The following SLC39A10 variants were observed in gnomAD, a reference collection of about 807,000 sequenced individuals.
SLC39A10 encodes the protein solute carrier family 39 member 10, also known as zinc transporter ZIP10.
Under a neutral mutation model 65.1 loss-of-function variants are expected in SLC39A10, and 13 were observed. That is an observed-to-expected ratio of 0.20 (90% CI 0.13 to 0.32). The LOEUF (loss-of-function observed/expected upper bound fraction) is 0.32, where lower values mean the gene tolerates loss of function less well. Among genes scored for constraint, SLC39A10 ranks in the 10% least tolerant of loss-of-function variants. The pLI, the probability that SLC39A10 is intolerant of heterozygous loss-of-function variation, is 1.00. For missense variants in SLC39A10, 831 were observed against 1,018.4 expected (o/e 0.82, Z 2.50); for synonymous variants, 321 against 342.2 (o/e 0.94, Z 0.68).
In SLC39A10 at chr2:195,735,028, A is replaced by C. The variant is rs1692545944; in HGVS notation, c.2483A>C (p.Asp828Ala). The C allele has an allele frequency of 5.6e-6, 9 of 1,609,476 alleles. No homozygotes were observed. The South Asian group carries it at 1.0e-4, about 18-fold the overall frequency. The part of the protein sequence containing the change: ...IALYEDKIVF[D>A]IQF ...CTCTATGAAGATAAAATTGTGTTTG[A>C]CATCCAGTTTTGACCTTTCCCAGTA... The change falls in exon 10 of 10, where the codon GAC becomes GCC. Residue 828 changes from aspartate (D) to alanine (A), a missense_variant. Coordinates refer to ENST00000359634, the MANE Select transcript of SLC39A10 (RefSeq NM_020342.3).
At chr2:195,676,413 A>C in intron 1 of SLC39A10, among the ~76,000 whole-genome samples, 1 of 151,258 alleles carries the variant, frequency 6.6e-6, no homozygotes. Flanking sequence ...TAAAGAATTT[A>C]GTTAATCAAA....
chr2:195,614,457 A>C (rs13384405), intron 2 of SLC39A10, among the ~76,000 whole-genome samples: 2,740 of 152,198 alleles, frequency 0.018, 86 homozygotes, highest in African/African-American at 0.062. Context: ...TTTCCTGTAC[A>C]TTTTGCTTAA....
intron 2 of SLC39A10, among the ~76,000 whole-genome samples, chr2:195,638,076 T>A (rs1348307293): frequency 2.0e-5 from 3 of 152,206 alleles, no homozygotes; most frequent in African/African-American, 7.2e-5. Flanking sequence ...CTCAGTACAG[T>A]ACAGGATGAA....
intron 9 of SLC39A10, among the ~76,000 whole-genome samples, chr2:195,733,791 A>G (rs1174962887): frequency 6.6e-6 from 1 of 152,134 alleles, no homozygotes; most frequent in Non-Finnish European, 1.5e-5. Context: ...CGGCCTCTCA[A>G]AACTGCTGGG....
chr2:195,730,736 C>T (rs1016505264), intron 9 of SLC39A10, among the ~76,000 whole-genome samples: 7 of 152,198 alleles, frequency 4.6e-5, no homozygotes, highest in African/African-American at 1.7e-4. Context: ...ACTTGAATGT[C>T]TAAAAGGCAT....
chr2:195,626,857 C>G (rs945801299), intron 2 of SLC39A10, among the ~76,000 whole-genome samples: 1 of 152,088 alleles, frequency 6.6e-6, no homozygotes, highest in Non-Finnish European at 1.5e-5. Flanking sequence ...TATAGAGTTC[C>G]TCATCTGTAT....
intron 8 of SLC39A10, among the ~76,000 whole-genome samples, chr2:195,727,273 G>C (rs1362411255): frequency 6.6e-6 from 1 of 152,138 alleles, no homozygotes; most frequent in Non-Finnish European, 1.5e-5. Context: ...GTGAGTTTTT[G>C]TCTTACATCA....
chr2:195,618,031 G>A (rs1039285187), intron 2 of SLC39A10, among the ~76,000 whole-genome samples: 2 of 144,850 alleles, frequency 1.4e-5, no homozygotes, highest in East Asian at 2.3e-4. Flanking sequence ...GAGCCACCTC[G>A]CCCGGCCTTG....
intron 2 of SLC39A10, among the ~76,000 whole-genome samples, chr2:195,648,235 C>T (rs575574218): frequency 7.6e-4 from 115 of 152,062 alleles, no homozygotes; most frequent in African/African-American, 2.4e-3. Context: ...TGGGCTCAAG[C>T]GATCCTCCCA....
At chr2:195,620,388 T>C (rs1380945931) in intron 2 of SLC39A10, among the ~76,000 whole-genome samples, 1 of 152,176 alleles carries the variant, frequency 6.6e-6, no homozygotes, top group Non-Finnish European at 1.5e-5. Flanking sequence ...AATGAAGGCA[T>C]TGTAGAAATA....
Position 195,735,111 on chromosome 2 carries a change from A to G in SLC39A10, c.*70A>G. On this transcript the variant is annotated 3_prime_UTR_variant, in exon 10 of 10. Transcript: ENST00000359634. ...GCTTTGCATCTGTTCCTTGTACTGT[A>G]TGCACATTGCTCAAAGGAAAGTCAG... The G allele has an allele frequency of 1.4e-6, 2 of 1,466,418 alleles. No individual in the cohort carries two copies. The highest frequency in any genetic ancestry group is 1.8e-6 in the Non-Finnish European group (2 of 1,098,768). 90.8% of individuals were successfully genotyped at this position (1,466,418 alleles called of 1,614,324 possible).
intron 2 of SLC39A10, among the ~76,000 whole-genome samples, chr2:195,627,917 C>G (rs1467464620): frequency 6.6e-6 from 1 of 152,160 alleles, no homozygotes; most frequent in African/African-American, 2.4e-5. Context: ...AGAGATCTCT[C>G]TTTAAAGAGA....
At chr2:195,663,735 A>G (rs1689512368) in intron 1 of SLC39A10, among the ~76,000 whole-genome samples, 1 of 151,584 alleles carries the variant, frequency 6.6e-6, no homozygotes, top group African/African-American at 2.4e-5. Flanking sequence ...AGTAAATTGT[A>G]TATTAAAACA....
At chr2:195,731,915 AC>A (rs920465296) in intron 9 of SLC39A10, among the ~76,000 whole-genome samples, 5 of 152,214 alleles carry the variant, frequency 3.3e-5, no homozygotes, top group African/African-American at 4.8e-5. Flanking sequence ...TCCTGATAAA[AC>A]AAGCAAACAA....
intron 2 of SLC39A10, among the ~76,000 whole-genome samples, chr2:195,681,308 T>A (rs1326963688): frequency 6.6e-6 from 1 of 152,184 alleles, no homozygotes; most frequent in East Asian, 1.9e-4. Context: ...GGGTAGATCA[T>A]GAGGTCGGGA....
At chr2:195,629,984 CTT>C (rs776471497) in intron 2 of SLC39A10, among the ~76,000 whole-genome samples, 6 of 152,014 alleles carry the variant, frequency 3.9e-5, no homozygotes, top group Non-Finnish European at 7.4e-5. Flanking sequence ...GATCTGCCCA[CTT>C]TGGCCTCCCA....
intron 3 of SLC39A10, among the ~76,000 whole-genome samples, chr2:195,685,164 A>G (rs1690477686): frequency 6.6e-6 from 1 of 152,140 alleles, no homozygotes; most frequent in African/African-American, 2.4e-5. Flanking sequence ...TTTAAAAACA[A>G]GATAAGGAAA....
chr2:195,673,400 C>T (rs1574252525), intron 1 of SLC39A10, among the ~76,000 whole-genome samples: 2 of 152,102 alleles, frequency 1.3e-5, no homozygotes, highest in South Asian at 4.1e-4. Flanking sequence ...GCTCAAGATC[C>T]GCCAACCTCT....
chr2:195,682,042 G>A (rs1490729519), intron 2 of SLC39A10, among the ~76,000 whole-genome samples: 1 of 152,072 alleles, frequency 6.6e-6, no homozygotes, highest in Non-Finnish European at 1.5e-5. Context: ...TAATAGTAAT[G>A]GGATGTCCTG....
Sources: gnomAD v4.1 joint callset for allele counts (sites outside exome capture counted in the v4.1 genomes callset) on GRCh38, gnomAD v4.1.1 for gene constraint, MANE v1.5 for transcripts, NCBI Gene and HGNC (gene_info 2026-07-23, HGNC 2026-07-21) for gene names.